The following PLXNA4 variants were observed in gnomAD, a reference collection of about 807,000 sequenced individuals.
The protein encoded by PLXNA4 is plexin A4.
In PLXNA4, 44 loss-of-function variants were observed where a neutral mutation model predicts 191.8. The observed-to-expected ratio is 0.23, with a 90% CI of 0.18 to 0.29. The LOEUF (loss-of-function observed/expected upper bound fraction) is 0.29. Among genes scored for constraint, PLXNA4 ranks in the 10% least tolerant of loss-of-function variants. The pLI is 1.00. For synonymous variants in PLXNA4, 1,082 were observed against 1,009.5 expected, an observed-to-expected ratio of 1.07 and a Z score of -1.36; for missense variants, 1,800 against 2,488.8, an observed-to-expected ratio of 0.72 and a Z score of 5.89.
chr7:132,445,057 A>G (rs1327892205), intron 3 of PLXNA4, among the ~76,000 whole-genome samples: 2 of 141,594 alleles, frequency 1.4e-5, no homozygotes, highest in Admixed American at 7.4e-5. Context: ...CGGGAGGCTG[A>G]GGCAGGAGAA....
At chr7:132,293,541 G>A (rs1800968195) in intron 4 of PLXNA4, among the ~76,000 whole-genome samples, 1 of 152,162 alleles carries the variant, frequency 6.6e-6, no homozygotes, top group Non-Finnish European at 1.5e-5. Flanking sequence ...TTTAGGTGGG[G>A]ACACAGCCAA....
exon 1 of PLXNA4, chr7:132,648,622 C>T (rs574409429): frequency 3.9e-5 from 6 of 152,298 alleles, no homozygotes; most frequent in South Asian, 4.1e-4. Flanking sequence ...TGTCCCAAAA[C>T]GCTGGGCCAC....
chr7:132,427,430 G>T lies in PLXNA4; in HGVS notation c.1371+61862C>A, dbSNP rs73726056. 5.6e-3 allele frequency among the ~76,000 whole-genome samples: 856 copies of T among 152,296 alleles called. 16 individuals are homozygous for T. The highest frequency in any genetic ancestry group is 0.02 in the African/African-American group (815 of 41,566). ...TTTCCTCCCCTCTCTGGTTCCAGAGGCTGGGAAAGAGGGAAGAGAAATAAC... is the reference window on the plus strand; with the variant it reads ...TTTCCTCCCCTCTCTGGTTCCAGAGTCTGGGAAAGAGGGAAGAGAAATAAC... On this transcript the variant is annotated intron_variant, in intron 3 of 31. Coordinates refer to ENST00000321063, the MANE Select transcript of PLXNA4 (RefSeq NM_020911.2).
In PLXNA4 at chr7:132,469,419, C is replaced by G. The variant is rs183704605; in HGVS notation, c.1371+19873G>C. 1.4e-4 allele frequency among the ~76,000 whole-genome samples: 22 copies of G among 152,330 alleles called. No individual in the cohort carries two copies. The East Asian group carries it at 3.5e-3, about 24-fold the overall frequency. Reference sequence around the variant, plus strand: ...CTCATTTTCCATTCCCTCTCTTCCTCTCCCCAGCCCTGACTGATTGGAAGT... The same window carrying G: ...CTCATTTTCCATTCCCTCTCTTCCTGTCCCCAGCCCTGACTGATTGGAAGT... On this transcript the variant is annotated intron_variant, in intron 3 of 31. Transcript: ENST00000321063.
rs1308458612 is a variant in PLXNA4, at chr7:132,124,783, A to T, written c.*5696T>A. On this transcript the variant is annotated 3_prime_UTR_variant, in exon 32 of 32. Coordinates refer to ENST00000321063, the MANE Select transcript of PLXNA4 (RefSeq NM_020911.2). ...GAATAAAGTGAGGCTCCCGCAACCC[A>T]GGATTTTCAGCCTACCTGAATCACC... 1 of 152,266 alleles carries T rather than the reference A, an allele frequency of 6.6e-6. No individual in the cohort carries two copies. The highest frequency in any genetic ancestry group is 1.9e-4 in the East Asian group (1 of 5,202). 9.4% of individuals were successfully genotyped at this position (152,266 alleles called of 1,614,324 possible).
intron 2 of PLXNA4, among the ~76,000 whole-genome samples, chr7:132,587,936 C>T (rs1050492858): frequency 9.9e-5 from 15 of 151,698 alleles, no homozygotes; most frequent in African/African-American, 3.6e-4. Context: ...ATCTTCTTCC[C>T]ATTCCACACT....
At chr7:132,348,894 A>AT (rs1036573634) in intron 3 of PLXNA4, among the ~76,000 whole-genome samples, 15 of 151,914 alleles carry the variant, frequency 9.9e-5, no homozygotes, top group Admixed American at 2.0e-4. Context: ...GGTGGAAAAA[A>AT]TTTTTTTTGA....
chr7:132,597,855 C>CTATATATA (rs1369482917), intron 2 of PLXNA4, among the ~76,000 whole-genome samples: 11 of 51,948 alleles, frequency 2.1e-4, no homozygotes, highest in African/African-American at 2.8e-4. Flanking sequence ...CTCTCTCTCT[C>CTATATATA]TCTCTATATA....
Position 132,385,260 on chromosome 7 carries a change from T to C in PLXNA4, c.1372-87038A>G, listed in dbSNP as rs1378581809. 5 of 1,613,890 alleles carry C rather than the reference T, an allele frequency of 3.1e-6. No homozygotes were observed. The Admixed American group carries it at 8.3e-5, about 27-fold the overall frequency. ...CTCTGTGGGATCGGGGTCCCGTCTGTAGCTCAAGGGTAGGGCAGAGGCTGG... is the reference window on the plus strand; with the variant it reads ...CTCTGTGGGATCGGGGTCCCGTCTGCAGCTCAAGGGTAGGGCAGAGGCTGG... On this transcript the variant is annotated intron_variant, in intron 3 of 31. Coordinates refer to ENST00000321063, the MANE Select transcript of PLXNA4 (RefSeq NM_020911.2).
intron 3 of PLXNA4, among the ~76,000 whole-genome samples, chr7:132,308,525 A>G (rs946696979): frequency 2.6e-5 from 4 of 152,168 alleles, no homozygotes; most frequent in African/African-American, 9.7e-5. Flanking sequence ...CAGATGGACC[A>G]TGCTCATCCA....
intron 1 of PLXNA4, among the ~76,000 whole-genome samples, chr7:132,572,175 G>T (rs573855005): frequency 1.4e-4 from 21 of 152,304 alleles, no homozygotes; most frequent in Admixed American, 4.6e-4. Flanking sequence ...AGGTCAGATT[G>T]CTCACAAGTG....
At chr7:132,464,064 T>C (rs1796610512) in intron 3 of PLXNA4, among the ~76,000 whole-genome samples, 1 of 152,222 alleles carries the variant, frequency 6.6e-6, no homozygotes, top group South Asian at 2.1e-4. Context: ...TACCTCTGAA[T>C]TGCAATGTTA....
intron 3 of PLXNA4, among the ~76,000 whole-genome samples, chr7:132,374,723 G>A (rs141102019): frequency 1.8e-4 from 27 of 152,316 alleles, no homozygotes; most frequent in African/African-American, 6.0e-4. Context: ...CAAGAAAACA[G>A]AAAAGTCATG....
intron 30 of PLXNA4, among the ~76,000 whole-genome samples, chr7:132,137,803 G>C (rs933660948): frequency 6.6e-6 from 1 of 151,688 alleles, no homozygotes; most frequent in East Asian, 1.9e-4. Flanking sequence ...GTGAGGGCAG[G>C]TGGGAGGATG....
chr7:132,563,903 CCTT>C (rs1348410274), intron 1 of PLXNA4, among the ~76,000 whole-genome samples: 4 of 125,676 alleles, frequency 3.2e-5, no homozygotes, highest in East Asian at 2.8e-4. Flanking sequence ...TCCTCCTCCT[CCTT>C]CTCCTCCTCC....
intron 4 of PLXNA4, among the ~76,000 whole-genome samples, chr7:132,247,750 A>G (rs1237695803): frequency 6.6e-6 from 1 of 152,168 alleles, no homozygotes; most frequent in Non-Finnish European, 1.5e-5. Context: ...GATGGCTCCA[A>G]GGCCCTCACT....
chr7:132,563,166 C>T (rs1277928574), intron 1 of PLXNA4, among the ~76,000 whole-genome samples: 4 of 87,426 alleles, frequency 4.6e-5, no homozygotes, highest in African/African-American at 7.9e-5. Context: ...CCTCCTCCTC[C>T]TTCTCCTCCT....
intron 1 of PLXNA4, among the ~76,000 whole-genome samples, chr7:132,552,645 C>T (rs895951059): frequency 5.9e-5 from 9 of 152,168 alleles, no homozygotes; most frequent in African/African-American, 9.7e-5. Flanking sequence ...TCTGATTACC[C>T]GAGCCGCTGC....
At chr7:132,566,902 A>T (rs1472060417) in intron 1 of PLXNA4, among the ~76,000 whole-genome samples, 1 of 152,234 alleles carries the variant, frequency 6.6e-6, no homozygotes, top group Non-Finnish European at 1.5e-5. Context: ...TGGGGTCACA[A>T]GTCCCTACAA....
Sources: gnomAD v4.1 joint callset for allele counts (sites outside exome capture counted in the v4.1 genomes callset) on GRCh38, gnomAD v4.1.1 for gene constraint, MANE v1.5 for transcripts, NCBI Gene and HGNC (gene_info 2026-07-23, HGNC 2026-07-21) for gene names.